TRAPPC6B: variants seen among roughly 807,000 people sequenced by gnomAD.
TRAPPC6B encodes trafficking protein particle complex subunit 6B.
In TRAPPC6B, 27 loss-of-function variants were observed where a neutral mutation model predicts 24.7. The observed-to-expected ratio is 1.09, with a 90% CI of 0.81 to 1.51. The LOEUF is 1.51. Among genes scored for constraint, TRAPPC6B ranks in the 40% most tolerant of loss-of-function variants. The pLI, the probability that TRAPPC6B is intolerant of heterozygous loss-of-function variation, is 0.00. For synonymous variants in TRAPPC6B, 80 were observed against 66.6 expected (o/e 1.20, Z -0.98); for missense variants, 212 against 190.8 (o/e 1.11, Z -0.66).
chr14:39,156,119 C>T (rs2052975487), intron 3 of TRAPPC6B, among the ~76,000 whole-genome samples: 2 of 152,098 alleles, frequency 1.3e-5, no homozygotes, highest in Admixed American at 6.6e-5. Flanking sequence ...TAAATCATGT[C>T]TAGAGAGTAA....
rs1035061552 is a variant in TRAPPC6B at position 39,148,828 on chromosome 14, C to T, written c.*1522G>A. 2 of 398,138 alleles carry T rather than the reference C, an allele frequency of 5.0e-6. No individual in the cohort carries two copies. Among genetic ancestry groups the T allele is most frequent in the Non-Finnish European group, 4.4e-6 (1 of 225,862 alleles). The allele number at this position is 398,138 out of a possible 1,614,324, so 24.7% of individuals were successfully genotyped here. On this transcript the variant is annotated 3_prime_UTR_variant, in exon 6 of 6. Coordinates refer to ENST00000330149, the MANE Select transcript of TRAPPC6B (RefSeq NM_001079537.2). ...TTAGGAGATTTTAAAATTGTACAATCACAGAGTGTACTTACACAAACCTAG... is the reference window on the plus strand; with the variant it reads ...TTAGGAGATTTTAAAATTGTACAATTACAGAGTGTACTTACACAAACCTAG...
chr14:39,170,036 C>T lies in TRAPPC6B; in HGVS notation c.60G>A (p.Lys20=). 1 of 1,614,182 alleles carries T rather than the reference C, an allele frequency of 6.2e-7. No homozygotes were observed. The highest frequency in any genetic ancestry group is 1.1e-5 in the South Asian group (1 of 91,088). Residue 20 remains lysine, a synonymous_variant, in exon 1 of 6, where the codon AAG becomes AAA. Transcript: ENST00000330149. ...TCACCACCTCCCCCTGCTCCGCGGA[C>T]TTGTACACTCCAGACACCATCTCGT... ...LHNEMVSGVY[K]SAEQGEVENG...
chr14:39,150,085 A>C lies in TRAPPC6B; in HGVS notation c.*265T>G. ...TCTATGGCTAAATACATATCACTCT[A>C]ACCAAATAAAAAGGTTTAAAATAAG... On this transcript the variant is annotated 3_prime_UTR_variant, in exon 6 of 6. Coordinates refer to ENST00000330149, the MANE Select transcript of TRAPPC6B (RefSeq NM_001079537.2). The C allele has an allele frequency of 3.0e-6, 1 of 337,632 alleles. No homozygotes were observed. Among genetic ancestry groups the C allele is most frequent in the Non-Finnish European group, 5.3e-6 (1 of 188,526 alleles). 20.9% of individuals were successfully genotyped at this position (337,632 alleles called of 1,614,324 possible).
chr14:39,150,449 T>G, intron 5 of TRAPPC6B, 68 bp from the exon 6 acceptor site: 1 of 1,185,390 alleles, frequency 8.4e-7, no homozygotes, highest in South Asian at 1.4e-5. Flanking sequence ...ACATCAATTT[T>G]CTGTTCCATA....
At position 39,150,146 on chromosome 14, in the gene TRAPPC6B, G is replaced by A. The variant is rs1203738869; in HGVS notation, c.*204C>T. On this transcript the variant is annotated 3_prime_UTR_variant, in exon 6 of 6. Transcript: ENST00000330149. Reference sequence around the variant, plus strand: ...CTTGGTGTCTGGTTATTTGAAATCCGGTTTTCATTTTGAATAGTTTTGGTT... The same window carrying A: ...CTTGGTGTCTGGTTATTTGAAATCCAGTTTTCATTTTGAATAGTTTTGGTT... 6 of 465,954 alleles carry A rather than the reference G, an allele frequency of 1.3e-5. No homozygotes were observed. Among genetic ancestry groups the A allele is most frequent in the East Asian group, 3.8e-5 (1 of 26,378 alleles). The allele number at this position is 465,954 out of a possible 1,614,324, so 28.9% of individuals were successfully genotyped here.
At chr14:39,151,945 TAAAA>T (rs773988544) in intron 4 of TRAPPC6B, 106 bp from the exon 5 acceptor site, 303 of 765,248 alleles carry the variant, frequency 4.0e-4, no homozygotes, top group Non-Finnish European at 4.1e-4. Context: ...CATTCCTGTT[TAAAA>T]AAAGGATTTT....
chr14:39,166,837 CA>C (rs2053113357), intron 1 of TRAPPC6B, among the ~76,000 whole-genome samples: 1 of 78,526 alleles, frequency 1.3e-5, no homozygotes, highest in Non-Finnish European at 3.8e-5. Flanking sequence ...CATCCCCAAC[CA>C]ACCAGGAGCA....
At chr14:39,165,429 T>G (rs929300314) in intron 1 of TRAPPC6B, among the ~76,000 whole-genome samples, 8 of 152,176 alleles carry the variant, frequency 5.3e-5, no homozygotes, top group African/African-American at 1.9e-4. Flanking sequence ...TGTCGTAAAA[T>G]TCTGTACATA....
rs2052896698 is a variant in TRAPPC6B, at chr14:39,150,244, T to C, written c.*106A>G. 1 of 936,968 alleles carries C rather than the reference T, an allele frequency of 1.1e-6. No individual in the cohort carries two copies. Among genetic ancestry groups the C allele is most frequent in the African/African-American group, 1.7e-5 (1 of 59,082 alleles). 58.0% of individuals were successfully genotyped at this position (936,968 alleles called of 1,614,324 possible). A position where few individuals can be genotyped will look rare whatever the true frequency, so the allele number is the denominator to read the frequency against. ...TAAATTGATAAAAATACATGCTTAC[T>C]CCTGTACAAACATCGAACAATGTAA... On this transcript the variant is annotated 3_prime_UTR_variant, in exon 6 of 6. Transcript: ENST00000330149.
chr14:39,150,027 C>A lies in TRAPPC6B; in HGVS notation c.*323G>T, dbSNP rs981313248. On this transcript the variant is annotated 3_prime_UTR_variant, in exon 6 of 6. Transcript: ENST00000330149. ...TGTTGGTACATAATTTTCTCTCATG[C>A]TAATTCAACAAACCCTGAGCTTTGT... The A allele has an allele frequency of 4.9e-6, 1 of 204,920 alleles. No homozygotes were observed. Among genetic ancestry groups the A allele is most frequent in the Admixed American group, 5.9e-5 (1 of 16,940 alleles). The allele number at this position is 204,920 out of a possible 1,614,324, so 12.7% of individuals were successfully genotyped here. A position where few individuals can be genotyped will look rare whatever the true frequency, so the allele number is the denominator to read the frequency against.
intron 1 of TRAPPC6B, among the ~76,000 whole-genome samples, chr14:39,168,215 T>TAA (rs5808024): frequency 2.5e-4 from 31 of 124,884 alleles, no homozygotes; most frequent in South Asian, 1.8e-3. Context: ...AAACTCCATC[T>TAA]AAAAAAAAAA....
intron 4 of TRAPPC6B, among the ~76,000 whole-genome samples, chr14:39,152,065 C>T (rs1193150942): frequency 6.6e-6 from 1 of 152,162 alleles, no homozygotes; most frequent in Non-Finnish European, 1.5e-5. Context: ...ATTAAGTACT[C>T]CAGTCCAGGA....
At chr14:39,155,275 C>T (rs924145901) in intron 3 of TRAPPC6B, among the ~76,000 whole-genome samples, 1 of 152,038 alleles carries the variant, frequency 6.6e-6, no homozygotes, top group African/African-American at 2.4e-5. Flanking sequence ...GAGTTTCACT[C>T]TTGTTGCCCA....
chr14:39,157,129 A>G (rs1185610460), intron 3 of TRAPPC6B: 2 of 217,230 alleles, frequency 9.2e-6, no homozygotes, highest in East Asian at 1.5e-4. Flanking sequence ...AAAAAAAAGA[A>G]AGAAAGAAAG....
chr14:39,163,249 T>C (rs750253178), intron 1 of TRAPPC6B, among the ~76,000 whole-genome samples: 1 of 149,854 alleles, frequency 6.7e-6, no homozygotes, highest in Non-Finnish European at 1.5e-5. Context: ...CACATACCTG[T>C]AGTCCCAGCT....
At position 39,163,669 on chromosome 14, in the gene TRAPPC6B, T is replaced by C. The variant is rs772602976; in HGVS notation, c.82-4119A>G. ...CTCCAAAAAGGCAGGGATTTTTGTA[T>C]ATTCTGAAGGCTGTTTGTCTCCCAC... is the stretch of plus-strand genomic sequence containing the variant. On this transcript the variant is annotated intron_variant, in intron 1 of 5. Coordinates refer to ENST00000330149, the MANE Select transcript of TRAPPC6B (RefSeq NM_001079537.2). Among the ~76,000 whole-genome samples the C allele has an allele frequency of 3.4e-4, 52 of 151,046 alleles. 1 individual carries two copies. The highest frequency in any genetic ancestry group is 3.5e-4 in the Non-Finnish European group (24 of 68,022).
rs2139393535 is a variant in TRAPPC6B, at chr14:39,169,908, C to T, written c.81+107G>A. 3.7e-6 allele frequency: 4 copies of T among 1,081,604 alleles called. No homozygotes were observed. In the East Asian group the frequency reaches 9.7e-5, roughly 26 times the overall value. The allele number at this position is 1,081,604 out of a possible 1,614,324, so 67.0% of individuals were successfully genotyped here. On this transcript the variant is annotated intron_variant, in intron 1 of 5. Coordinates refer to ENST00000330149, the MANE Select transcript of TRAPPC6B (RefSeq NM_001079537.2). ...CTGGAGGTGGACCATTTTGTGTACA[C>T]CTCGGGAGGCGTCGGGTGGCGATGG...
intron 1 of TRAPPC6B, 69 bp downstream of exon 1, chr14:39,169,946 A>G: frequency 6.6e-7 from 1 of 1,522,378 alleles, no homozygotes; most frequent in East Asian, 2.3e-5. Context: ...CAGGGGTTGA[A>G]GGAAAGCACT....
intron 1 of TRAPPC6B, among the ~76,000 whole-genome samples, chr14:39,166,165 C>G (rs2053106252): frequency 6.6e-6 from 1 of 151,542 alleles, no homozygotes; most frequent in Admixed American, 6.6e-5. Context: ...GTCTCCAACT[C>G]CTGGGCTCAA....
Sources: allele counts gnomAD v4.1 joint callset (sites outside exome capture counted in the v4.1 genomes callset), GRCh38; gene constraint gnomAD v4.1.1; transcripts MANE v1.5; gene names NCBI Gene and HGNC (gene_info 2026-07-23, HGNC 2026-07-21).